INO80: variants seen among roughly 807,000 people sequenced by gnomAD.
INO80 encodes the protein INO80 complex ATPase subunit.
INO80 carries 20 observed loss-of-function variants against 203.4 expected under a neutral mutation model. The observed-to-expected ratio is 0.10, with a 90% CI of 0.07 to 0.14. The LOEUF (loss-of-function observed/expected upper bound fraction) is 0.14, where lower values mean the gene tolerates loss of function less well. Among genes scored for constraint, INO80 ranks in the 10% least tolerant of loss-of-function variants. INO80 has a pLI of 1.00. For missense variants in INO80, 1,419 were observed against 1,914.4 expected (o/e 0.74, Z 4.83); for synonymous variants, 726 against 685.2 (o/e 1.06, Z -0.93).
intron 8 of INO80, among the ~76,000 whole-genome samples, chr15:41,080,477 A>G (rs1307405878): frequency 6.6e-6 from 1 of 152,202 alleles, no homozygotes; most frequent in Non-Finnish European, 1.5e-5. Flanking sequence ...AGATTCCATG[A>G]TCTGCTCAAG....
chr15:41,087,346 T>A (rs1336863955), intron 6 of INO80, among the ~76,000 whole-genome samples: 1 of 152,184 alleles, frequency 6.6e-6, no homozygotes, highest in Non-Finnish European at 1.5e-5. Context: ...AATTTGAGCA[T>A]CTCTGGATTT....
chr15:40,992,445 C>T (rs1043444592), intron 29 of INO80, among the ~76,000 whole-genome samples: 1 of 152,160 alleles, frequency 6.6e-6, no homozygotes, highest in African/African-American at 2.4e-5. Flanking sequence ...CAGATAGAGT[C>T]CCACTATTTA....
At chr15:41,055,142 T>C in intron 18 of INO80, 105 bp downstream of exon 18, 1 of 613,256 alleles carries the variant, frequency 1.6e-6, no homozygotes, top group Non-Finnish European at 2.8e-6. Flanking sequence ...CGCTGATTTG[T>C]CTATGTATAC....
chr15:41,008,794 T>C (rs1302132839), intron 27 of INO80, among the ~76,000 whole-genome samples: 1 of 152,228 alleles, frequency 6.6e-6, no homozygotes, highest in Non-Finnish European at 1.5e-5. Context: ...AATGCAGAAC[T>C]GAGGGACACA....
At chr15:41,114,874 G>A (rs2046007330) in intron 1 of INO80, among the ~76,000 whole-genome samples, 1 of 152,140 alleles carries the variant, frequency 6.6e-6, no homozygotes, top group African/African-American at 2.4e-5. Context: ...AGACTGGAGG[G>A]AGGGGGAATG....
At chr15:41,099,237 C>CAAAAAAAAAAAAAAAAAA (rs71104771) in intron 1 of INO80, among the ~76,000 whole-genome samples, 2 of 21,096 alleles carry the variant, frequency 9.5e-5, no homozygotes, top group Non-Finnish European at 2.0e-4. Flanking sequence ...GACCCTGTCT[C>CAAAAAAAAAAAAAAAAAA]AAAAAAAAAA....
At chr15:41,084,261 C>A (rs1191276929) in intron 7 of INO80, among the ~76,000 whole-genome samples, 1 of 150,204 alleles carries the variant, frequency 6.7e-6, no homozygotes, top group Non-Finnish European at 1.5e-5. Flanking sequence ...GAAATTATAT[C>A]AAAATAACAT....
Position 41,099,322 on chromosome 15 carries a change from GA to G in INO80, c.-43-2970del, listed in dbSNP as rs572877944. Among the ~76,000 whole-genome samples, 176 of 136,506 alleles carry G rather than the reference GA, an allele frequency of 1.3e-3. 1 individual carries two copies. The highest frequency in any genetic ancestry group is 3.1e-3 in the African/African-American group (115 of 36,606). The allele number at this position is 136,506 out of a possible 152,430, so 89.6% of individuals were successfully genotyped here. On this transcript the variant is annotated intron_variant, in intron 1 of 35. Coordinates refer to ENST00000648947, the MANE Select transcript of INO80 (RefSeq NM_017553.3). ...AGTGAGAGAGAGGGAAAGAAAAAGG[GA>G]AAAAAAAAATGTTCCAAACTCCCAT... is the stretch of plus-strand genomic sequence containing the variant.
At chr15:41,106,944 T>C (rs2045888407) in intron 1 of INO80, among the ~76,000 whole-genome samples, 1 of 152,186 alleles carries the variant, frequency 6.6e-6, no homozygotes, top group Non-Finnish European at 1.5e-5. Flanking sequence ...TCAGTACTGA[T>C]TCCTTTAAAC....
intron 1 of INO80, among the ~76,000 whole-genome samples, chr15:41,114,551 A>C (rs1376456224): frequency 1.3e-5 from 2 of 151,996 alleles, no homozygotes; most frequent in Admixed American, 1.3e-4. Context: ...TCTACTAAAA[A>C]TACAAAAATT....
intron 24 of INO80, among the ~76,000 whole-genome samples, chr15:41,037,946 A>T (rs1364340197): frequency 6.6e-6 from 1 of 151,886 alleles, no homozygotes; most frequent in African/African-American, 2.4e-5. Context: ...CTGTCTCAAA[A>T]AAAAAGTGTA....
At chr15:41,066,273 C>T (rs1429135943) in intron 14 of INO80, among the ~76,000 whole-genome samples, 1 of 151,924 alleles carries the variant, frequency 6.6e-6, no homozygotes, top group African/African-American at 2.4e-5. Flanking sequence ...CCACCGCACC[C>T]GGCCCATTTT....
At chr15:41,070,414 G>GA in intron 13 of INO80, 53 bp downstream of exon 13, 1 of 1,508,184 alleles carries the variant, frequency 6.6e-7, no homozygotes, top group Non-Finnish European at 9.2e-7. Flanking sequence ...ATTTTCAACA[G>GA]AAATTACCCT....
At chr15:41,037,814 A>T (rs1028048932) in intron 24 of INO80, among the ~76,000 whole-genome samples, 1 of 149,884 alleles carries the variant, frequency 6.7e-6, no homozygotes, top group Non-Finnish European at 1.5e-5. Context: ...GTGGTGGTGC[A>T]CGCCTGTAGT....
intron 4 of INO80, among the ~76,000 whole-genome samples, chr15:41,093,253 T>C (rs531903675): frequency 2.6e-5 from 4 of 151,610 alleles, no homozygotes; most frequent in Non-Finnish European, 5.9e-5. Context: ...GGTGAAACCC[T>C]GTCTCTACTA....
intron 9 of INO80, among the ~76,000 whole-genome samples, chr15:41,078,602 C>T (rs962442846): frequency 6.6e-6 from 1 of 152,198 alleles, no homozygotes; most frequent in African/African-American, 2.4e-5. Flanking sequence ...AGATCAAGAG[C>T]TCAGAAAAGG....
chr15:41,036,099 T>G (rs1167020441), intron 24 of INO80, among the ~76,000 whole-genome samples: 1 of 128,092 alleles, frequency 7.8e-6, no homozygotes, highest in African/African-American at 3.0e-5. Context: ...GAAGTTGCAG[T>G]GAGCCGAGAT....
intron 24 of INO80, among the ~76,000 whole-genome samples, chr15:41,044,297 C>A (rs1347846286): frequency 6.6e-6 from 1 of 152,052 alleles, no homozygotes; most frequent in Non-Finnish European, 1.5e-5. Flanking sequence ...TGGAAACAAA[C>A]AAAATATCTA....
chr15:41,091,614 G>A (rs1276636519), intron 5 of INO80, among the ~76,000 whole-genome samples: 1 of 150,838 alleles, frequency 6.6e-6, no homozygotes, highest in Non-Finnish European at 1.5e-5. Context: ...TCACTACTGA[G>A]GATAATGATT....
Sources: allele counts gnomAD v4.1 joint callset (sites outside exome capture counted in the v4.1 genomes callset), GRCh38; gene constraint gnomAD v4.1.1; transcripts MANE v1.5; gene names NCBI Gene and HGNC (gene_info 2026-07-23, HGNC 2026-07-21).